The following NTM variants were observed in gnomAD, a reference collection of about 807,000 sequenced individuals.
NTM encodes the protein neurotrimin.
A neutral mutation model predicts 42.1 loss-of-function variants in NTM; 13 were observed. That is an observed-to-expected ratio of 0.31 (90% CI 0.20 to 0.49). NTM has a LOEUF of 0.49. Among genes scored for constraint, NTM ranks in the 20% least tolerant of loss-of-function variants. NTM has a pLI of 0.99. For synonymous variants in NTM, 187 were observed against 179.2 expected (o/e 1.04, Z -0.35); for missense variants, 373 against 452.8 (o/e 0.82, Z 1.60).
chr11:131,820,069 C>A (rs1213041783), intron 1 of NTM, among the ~76,000 whole-genome samples: 1 of 152,182 alleles, frequency 6.6e-6, no homozygotes, highest in Non-Finnish European at 1.5e-5. Context: ...TTCTTATTAA[C>A]TAACAGAGAA....
intron 1 of NTM, among the ~76,000 whole-genome samples, chr11:131,560,356 A>T (rs934705672): frequency 6.6e-6 from 1 of 152,210 alleles, no homozygotes; most frequent in Admixed American, 6.5e-5. Context: ...AGAAATTTTG[A>T]TTCAAAAATA....
intron 1 of NTM, among the ~76,000 whole-genome samples, chr11:131,605,426 G>A (rs750935773): frequency 8.5e-5 from 13 of 152,158 alleles, no homozygotes; most frequent in Non-Finnish European, 1.8e-4. Flanking sequence ...TTTACTGAAT[G>A]TATTTCTTAG....
chr11:132,073,137 G>A lies in NTM; in HGVS notation c.168-73145G>A, dbSNP rs546937818. Among the ~76,000 whole-genome samples the A allele has an allele frequency of 9.9e-5, 15 of 152,230 alleles. No individual in the cohort carries two copies. The South Asian group carries it at 1.2e-3, about 13-fold the overall frequency. Reference sequence around the variant, plus strand: ...CACTGGCATCAGAAAACAGAATTTGGCAGTTCTCTAGGCTAAGGGTTTCCA... The same window carrying A: ...CACTGGCATCAGAAAACAGAATTTGACAGTTCTCTAGGCTAAGGGTTTCCA... On this transcript the variant is annotated intron_variant, in intron 2 of 8. Coordinates refer to ENST00000683400, the MANE Select transcript of NTM (RefSeq NM_001352005.2).
chr11:132,146,213 G>A lies in NTM; in HGVS notation c.168-69G>A, dbSNP rs1442446882. The A allele has an allele frequency of 6.9e-6, 11 of 1,584,416 alleles. No homozygotes were observed. In the Admixed American group the frequency reaches 1.7e-4, roughly 25 times the overall value. ...AGACAAGATATTCTAGCCTTGCCAT[G>A]AGGACCTCCCTCTGATGGCTGCTGT... On this transcript the variant is annotated intron_variant, in intron 2 of 8. Transcript: ENST00000683400. This position sits in a 1 kb window ranked among gnomAD's most constrained non-coding sequence, Gnocchi z 4.5.
At chr11:132,333,327 C>T (rs796539170) in intron 8 of NTM, among the ~76,000 whole-genome samples, 18 of 152,222 alleles carry the variant, frequency 1.2e-4, no homozygotes, top group Middle Eastern at 3.4e-3. Context: ...GAAGGACTTA[C>T]GCAGAGCAGA....
chr11:132,109,679 G>C (rs939110646), intron 2 of NTM, among the ~76,000 whole-genome samples: 6 of 152,070 alleles, frequency 3.9e-5, no homozygotes, highest in Non-Finnish European at 7.4e-5. Flanking sequence ...CTCTTGGCCA[G>C]CCATGCTGCT....
chr11:132,141,946 G>C (rs2069243637), intron 2 of NTM, among the ~76,000 whole-genome samples: 2 of 152,170 alleles, frequency 1.3e-5, no homozygotes, highest in Admixed American at 1.3e-4. Context: ...CTGCCAGAGG[G>C]CTGCAGTGCG....
At chr11:131,580,474 A>C (rs2058310291) in intron 1 of NTM, among the ~76,000 whole-genome samples, 1 of 152,094 alleles carries the variant, frequency 6.6e-6, no homozygotes, top group African/African-American at 2.4e-5. Context: ...GGAAAATGGG[A>C]TCTGTGAGGG....
chr11:132,085,445 A>G (rs1270909651), intron 2 of NTM, among the ~76,000 whole-genome samples: 2 of 152,266 alleles, frequency 1.3e-5, no homozygotes, highest in Admixed American at 1.3e-4. Context: ...AGTTCTCAAC[A>G]GCTAAAGAAG....
At chr11:131,735,835 GGTGTGTGTGTGT>G (rs398018112) in intron 1 of NTM, among the ~76,000 whole-genome samples, 34 of 121,376 alleles carry the variant, frequency 2.8e-4, no homozygotes, top group African/African-American at 6.7e-4. Flanking sequence ...CCATTCATAA[GGTGTGTGTGTGT>G]GTGTGTGTGT....
intron 1 of NTM, among the ~76,000 whole-genome samples, chr11:131,499,325 G>A (rs2046436146): frequency 6.6e-6 from 1 of 152,078 alleles, no homozygotes; most frequent in Non-Finnish European, 1.5e-5. Context: ...CCTAATCTTT[G>A]ATATAAGTGT....
chr11:131,668,808 G>A (rs2069577879), intron 1 of NTM, among the ~76,000 whole-genome samples: 1 of 152,192 alleles, frequency 6.6e-6, no homozygotes, highest in Non-Finnish European at 1.5e-5. Context: ...GGTAAATGAT[G>A]CAAACGTTAA....
At chr11:131,826,760 T>C (rs1218901267) in intron 1 of NTM, among the ~76,000 whole-genome samples, 1 of 152,052 alleles carries the variant, frequency 6.6e-6, no homozygotes, top group Non-Finnish European at 1.5e-5. Context: ...TTCAGGAGGC[T>C]GTAAGAAGAT....
chr11:131,578,785 T>C (rs562069084), intron 1 of NTM, among the ~76,000 whole-genome samples: 3 of 152,240 alleles, frequency 2.0e-5, no homozygotes, highest in East Asian at 3.9e-4. Context: ...GCTTATGTAG[T>C]ATTTATTATT....
At chr11:132,130,592 C>T (rs1174893721) in intron 2 of NTM, among the ~76,000 whole-genome samples, 1 of 152,166 alleles carries the variant, frequency 6.6e-6, no homozygotes, top group Non-Finnish European at 1.5e-5. Flanking sequence ...TTGCATGTAT[C>T]GTATTTTAGT....
chr11:131,676,701 C>T (rs150420366), intron 1 of NTM, among the ~76,000 whole-genome samples: 2,054 of 152,264 alleles, frequency 0.013, 52 homozygotes, highest in African/African-American at 0.047. Context: ...ACTTTTTCTT[C>T]GTTGAAAATT....
intron 1 of NTM, among the ~76,000 whole-genome samples, chr11:131,837,973 A>C (rs1041816134): frequency 2.0e-5 from 3 of 152,094 alleles, no homozygotes; most frequent in African/African-American, 7.2e-5. Flanking sequence ...TAATATATTA[A>C]CTTCTGTCTG....
chr11:132,134,973 A>G (rs749402183), intron 2 of NTM, among the ~76,000 whole-genome samples: 6 of 151,584 alleles, frequency 4.0e-5, no homozygotes, highest in Non-Finnish European at 7.4e-5. Context: ...TAGTGGTTGT[A>G]TTTTTATTAT....
chr11:131,398,226 G>C (rs1267868056), intron 1 of NTM, among the ~76,000 whole-genome samples: 2 of 152,060 alleles, frequency 1.3e-5, no homozygotes, highest in African/African-American at 4.8e-5. Context: ...GACTGCAGTT[G>C]GATTTTAGAA....
Sources: allele counts gnomAD v4.1 joint callset (sites outside exome capture counted in the v4.1 genomes callset), GRCh38; gene constraint gnomAD v4.1.1; non-coding constraint Gnocchi (gnomAD v3.1); transcripts MANE v1.5; gene names NCBI Gene and HGNC (gene_info 2026-07-23, HGNC 2026-07-21).